BID: variants seen among roughly 807,000 people sequenced by gnomAD.
BID encodes the protein BH3 interacting domain death agonist.
A neutral mutation model predicts 17.4 loss-of-function variants in BID; 19 were observed. The ratio of observed to expected loss-of-function variants is 1.09; its 90% confidence interval spans 0.76 to 1.60. BID has a LOEUF of 1.60. BID is among the 40% of genes most tolerant of loss of function. The probability of loss-of-function intolerance (pLI) is 0.00; values close to 1 mark genes in which losing one functional copy is unlikely to be tolerated. For synonymous variants in BID, 108 were observed against 102.8 expected (o/e 1.05, Z -0.31); for missense variants, 226 against 256.0 (o/e 0.88, Z 0.80).
chr22:17,774,332 A>G, intron 1 of BID, 49 bp downstream of exon 1: 1 of 156,246 alleles, frequency 6.4e-6, no homozygotes, highest in Non-Finnish European at 1.4e-5. Flanking sequence ...GGCAGGGGTC[A>G]CGGGCTGGGG....
At chr22:17,751,136 GC>G (rs2145892508) in intron 1 of BID, among the ~76,000 whole-genome samples, 1 of 152,200 alleles carries the variant, frequency 6.6e-6, no homozygotes, top group Admixed American at 6.5e-5. Context: ...ACTTTGGGAG[GC>G]CGAGGCGGGT....
intron 1 of BID, among the ~76,000 whole-genome samples, chr22:17,755,082 C>CTTTTTTT (rs59654004): frequency 4.0e-5 from 4 of 99,254 alleles, no homozygotes; most frequent in Admixed American, 1.2e-4. Flanking sequence ...TTTTTCTTTT[C>CTTTTTTT]TTTTTTTTTT....
chr22:17,744,062 G>GC (rs1297409126), intron 2 of BID, 49 bp from the exon 3 acceptor site: 1 of 1,517,320 alleles, frequency 6.6e-7, no homozygotes, highest in Non-Finnish European at 9.1e-7. Context: ...CAGGCCAGAG[G>GC]CCCCTCCTGC....
At chr22:17,737,316 C>T (rs974338836) in intron 5 of BID, among the ~76,000 whole-genome samples, 3 of 151,740 alleles carry the variant, frequency 2.0e-5, no homozygotes, top group Admixed American at 6.6e-5. Context: ...TCAGACAGTT[C>T]CCCCCCTTTT....
At chr22:17,737,052 G>A (rs1345693034) in intron 5 of BID, among the ~76,000 whole-genome samples, 1 of 152,242 alleles carries the variant, frequency 6.6e-6, no homozygotes, top group Non-Finnish European at 1.5e-5. Context: ...TGATCCGCCT[G>A]CCTTGGCCTC....
chr22:17,754,748 T>TTTTTTG (rs1168886967), intron 1 of BID, among the ~76,000 whole-genome samples: 5 of 152,164 alleles, frequency 3.3e-5, no homozygotes, highest in African/African-American at 1.2e-4. Context: ...CTTTTCCAGT[T>TTTTTTG]TTTTTGTTTT....
intron 5 of BID, 151 bp from the exon 6 acceptor site, chr22:17,735,742 G>A: frequency 1.1e-6 from 1 of 941,124 alleles, no homozygotes; most frequent in African/African-American, 1.6e-5. Context: ...CCTACTTTTT[G>A]CTACATGGGG....
At chr22:17,748,074 T>C (rs1202854931) in intron 2 of BID, among the ~76,000 whole-genome samples, 1 of 147,942 alleles carries the variant, frequency 6.8e-6, no homozygotes, top group African/African-American at 2.5e-5. Flanking sequence ...CCGGGCGTGG[T>C]GGTGGGCGCC....
chr22:17,765,513 C>A (rs1298224129), intron 1 of BID, among the ~76,000 whole-genome samples: 1 of 152,190 alleles, frequency 6.6e-6, no homozygotes, highest in African/African-American at 2.4e-5. Context: ...TATTTTGGTA[C>A]AGTACACTTT....
intron 1 of BID, among the ~76,000 whole-genome samples, chr22:17,750,529 T>A (rs1414924828): frequency 1.3e-5 from 2 of 152,106 alleles, no homozygotes; most frequent in Non-Finnish European, 2.9e-5. Context: ...ATTTGACAAT[T>A]AAAAAATTAA....
In BID at chr22:17,762,873, C is replaced by CTGTTTGTT. The variant is rs58512492; in HGVS notation, c.-59+11500_-59+11507dup. 7.2e-3 allele frequency among the ~76,000 whole-genome samples: 1,083 copies of CTGTTTGTT among 151,000 alleles called. 13 individuals carry two copies. Among genetic ancestry groups the CTGTTTGTT allele is most frequent in the African/African-American group, 0.025 (1,020 of 40,962 alleles). On this transcript the variant is annotated intron_variant, in intron 1 of 5. Transcript: ENST00000622694. Reference sequence around the variant, plus strand: ...CTGCTTTGAGGAAAAAAAACAAAACCTGTTTGTTTGTTTGTTTTTTTAAGA... The same window carrying CTGTTTGTT: ...CTGCTTTGAGGAAAAAAAACAAAACCTGTTTGTTTGTTTGTTTGTTTGTTTTTTTAAGA...
In BID at chr22:17,772,169, G is replaced by A. The variant is rs571394901; in HGVS notation, c.-59+2212C>T. Among the ~76,000 whole-genome samples, 6 of 152,216 alleles carry A rather than the reference G, an allele frequency of 3.9e-5. No individual in the cohort carries two copies. In the South Asian group the frequency reaches 6.2e-4, roughly 16 times the overall value. On this transcript the variant is annotated intron_variant, in intron 1 of 5. Transcript: ENST00000622694. ...CACATCAAGTGCTCCGTGAGCGTCC[G>A]GCACACAGGTGCTTGTCTCTGTCCT...
In BID at chr22:17,734,241, C is replaced by T. The variant is rs1336511197; in HGVS notation, c.*1339G>A. The T allele has an allele frequency of 6.6e-6, 1 of 152,218 alleles. No individual in the cohort carries two copies. Among genetic ancestry groups the T allele is most frequent in the African/African-American group, 2.4e-5 (1 of 41,440 alleles). The allele number at this position is 152,218 out of a possible 1,614,324, so 9.4% of individuals were successfully genotyped here. A position where few individuals can be genotyped will look rare whatever the true frequency, so the allele number is the denominator to read the frequency against. ...TTTTGCCCACTTTCAATTGAGCCAG[C>T]CCTAGCGTGGTATGTATTGCATGCT... On this transcript the variant is annotated 3_prime_UTR_variant, in exon 6 of 6. Coordinates refer to ENST00000622694, the MANE Select transcript of BID (RefSeq NM_001196.4).
chr22:17,771,123 G>T (rs532182589), intron 1 of BID, among the ~76,000 whole-genome samples: 6 of 151,734 alleles, frequency 4.0e-5, no homozygotes, highest in Non-Finnish European at 7.4e-5. Flanking sequence ...TTTTTGAGAC[G>T]GAGTCTCGCT....
chr22:17,740,162 T>A, intron 3 of BID: 1 of 1,612,064 alleles, frequency 6.2e-7, no homozygotes, highest in Non-Finnish European at 8.5e-7. Flanking sequence ...CTTGCTGTGT[T>A]ATTGTCTGAC....
chr22:17,755,082 C>CTTT (rs59654004), intron 1 of BID, among the ~76,000 whole-genome samples: 5 of 99,274 alleles, frequency 5.0e-5, no homozygotes, highest in Admixed American at 1.2e-4. Flanking sequence ...TTTTTCTTTT[C>CTTT]TTTTTTTTTT....
intron 5 of BID, among the ~76,000 whole-genome samples, chr22:17,737,142 G>A (rs530829617): frequency 6.6e-6 from 1 of 151,690 alleles, no homozygotes; most frequent in Non-Finnish European, 1.5e-5. Flanking sequence ...TAGAGACAGG[G>A]TCTCGCCATG....
chr22:17,756,535 TTTCCTTCC>T (rs1302265406), intron 1 of BID, among the ~76,000 whole-genome samples: 2 of 151,088 alleles, frequency 1.3e-5, no homozygotes, highest in East Asian at 1.9e-4. Flanking sequence ...TCTTTCCTTC[TTTCCTTCC>T]TTCCTTCTTT....
At chr22:17,743,687 C>A in intron 3 of BID, 116 bp downstream of exon 3, 1 of 1,092,732 alleles carries the variant, frequency 9.2e-7, no homozygotes, top group Non-Finnish European at 1.3e-6. Flanking sequence ...TACGTGGCAG[C>A]TGAAACTGCA....
Sources: allele counts gnomAD v4.1 joint callset (sites outside exome capture counted in the v4.1 genomes callset), GRCh38; gene constraint gnomAD v4.1.1; transcripts MANE v1.5; gene names NCBI Gene and HGNC (gene_info 2026-07-23, HGNC 2026-07-21).